Variants in RBFOX1 observed in about 807,000 individuals in gnomAD.
RBFOX1 encodes the protein RNA binding protein fox-1 homolog 1.
In RBFOX1, 8 loss-of-function variants were observed where a neutral mutation model predicts 57.7. The observed-to-expected ratio is 0.14, with a 90% CI of 0.08 to 0.25. The LOEUF (loss-of-function observed/expected upper bound fraction) is 0.25. Among genes scored for constraint, RBFOX1 ranks in the 10% least tolerant of loss-of-function variants. RBFOX1 has a pLI of 1.00. For missense variants in RBFOX1, 611 were observed against 548.5 expected, an observed-to-expected ratio of 1.11 and a Z score of -1.14; for synonymous variants, 326 against 222.4, an observed-to-expected ratio of 1.47 and a Z score of -4.15.
At chr16:7,308,991 C>G (rs576021380) in intron 4 of RBFOX1, among the ~76,000 whole-genome samples, 2 of 152,092 alleles carry the variant, frequency 1.3e-5, no homozygotes. Flanking sequence ...TTAGATAGTG[C>G]TATGGATTGG....
intron 2 of RBFOX1, among the ~76,000 whole-genome samples, chr16:6,599,716 G>A (rs75939132): frequency 0.019 from 2,855 of 152,270 alleles, 100 homozygotes; most frequent in African/African-American, 0.064. Flanking sequence ...CCACTACTCT[G>A]TTTCCCATCC....
At chr16:5,558,370 T>A (rs754028407) in intron 2 of RBFOX1, among the ~76,000 whole-genome samples, 25 of 152,254 alleles carry the variant, frequency 1.6e-4, no homozygotes, top group Non-Finnish European at 2.9e-4. Flanking sequence ...AAAGCGGTCC[T>A]CATGTCCTCA....
chr16:6,630,742 T>C (rs982670060), intron 2 of RBFOX1, among the ~76,000 whole-genome samples: 1 of 152,180 alleles, frequency 6.6e-6, no homozygotes, highest in Non-Finnish European at 1.5e-5. Context: ...CTGGAATTTA[T>C]GATGAAAATA....
intron 3 of RBFOX1, among the ~76,000 whole-genome samples, chr16:5,848,369 C>G (rs1443534459): frequency 2.6e-5 from 4 of 152,148 alleles, no homozygotes; most frequent in African/African-American, 4.8e-5. Context: ...GTCTCTTGAA[C>G]CGGGTGCCTT....
At chr16:7,229,692 AAG>A (rs2093369068) in intron 4 of RBFOX1, among the ~76,000 whole-genome samples, 1 of 79,282 alleles carries the variant, frequency 1.3e-5, no homozygotes, top group Non-Finnish European at 2.9e-5. Context: ...GAGACGAAGG[AAG>A]AGGGGAAGGA....
At chr16:6,620,223 G>A (rs1460518733) in intron 2 of RBFOX1, among the ~76,000 whole-genome samples, 2 of 152,146 alleles carry the variant, frequency 1.3e-5, no homozygotes, top group Non-Finnish European at 2.9e-5. Flanking sequence ...CATGGAAATT[G>A]AATAACCTGT....
intron 2 of RBFOX1, among the ~76,000 whole-genome samples, chr16:6,331,958 T>C (rs2083089007): frequency 6.6e-6 from 1 of 152,108 alleles, no homozygotes; most frequent in Non-Finnish European, 1.5e-5. Flanking sequence ...AGGCTGACAT[T>C]CTTAATAGTT....
intron 2 of RBFOX1, among the ~76,000 whole-genome samples, chr16:5,480,553 G>T (rs1050528613): frequency 1.3e-5 from 2 of 152,144 alleles, no homozygotes; most frequent in African/African-American, 2.4e-5. Context: ...ACAATGCCCT[G>T]TTCGCCCAGT....
chr16:5,793,653 C>G (rs970365756), intron 3 of RBFOX1, among the ~76,000 whole-genome samples: 8 of 152,206 alleles, frequency 5.3e-5, no homozygotes, highest in Non-Finnish European at 1.2e-4. Flanking sequence ...GAACCCGGTA[C>G]TTGCAGGGGA....
intron 2 of RBFOX1, among the ~76,000 whole-genome samples, chr16:6,343,028 A>G (rs993248410): frequency 1.2e-4 from 19 of 152,280 alleles, no homozygotes; most frequent in African/African-American, 4.3e-4. Flanking sequence ...TCTGATAGTC[A>G]TTTCTGATAA....
chr16:5,518,418 C>T (rs1207306114), intron 2 of RBFOX1, among the ~76,000 whole-genome samples: 1 of 152,132 alleles, frequency 6.6e-6, no homozygotes, highest in Non-Finnish European at 1.5e-5. Context: ...TGCTTTTTCC[C>T]ATCAGCTCAA....
intron 3 of RBFOX1, among the ~76,000 whole-genome samples, chr16:5,732,763 C>G (rs1459216117): frequency 6.6e-6 from 1 of 152,124 alleles, no homozygotes; most frequent in Non-Finnish European, 1.5e-5. Flanking sequence ...CTCCCAGGTC[C>G]TAGGGGAGGA....
At chr16:5,255,662 G>T (rs905734963) in intron 1 of RBFOX1, among the ~76,000 whole-genome samples, 4 of 142,744 alleles carry the variant, frequency 2.8e-5, no homozygotes, top group Admixed American at 2.8e-4. Context: ...CCATTCATTC[G>T]TCCACCTGCC....
intron 4 of RBFOX1, among the ~76,000 whole-genome samples, chr16:7,307,175 T>C (rs1428525405): frequency 6.6e-6 from 1 of 152,234 alleles, no homozygotes; most frequent in East Asian, 1.9e-4. Flanking sequence ...TCATTTTGTT[T>C]TATAAATCCA....
intron 1 of RBFOX1, among the ~76,000 whole-genome samples, chr16:5,443,131 TGAGA>T (rs1381461367): frequency 6.6e-6 from 1 of 152,128 alleles, no homozygotes; most frequent in African/African-American, 2.4e-5. Flanking sequence ...CCTCCAGAAC[TGAGA>T]GAAAGAATAA....
Position 5,928,105 on chromosome 16 carries a change from A to G in RBFOX1, c.351+60770A>G, listed in dbSNP as rs529327986. Among the ~76,000 whole-genome samples the G allele has an allele frequency of 2.0e-5, 3 of 152,086 alleles. No homozygotes were observed. The East Asian group carries it at 5.8e-4, about 29-fold the overall frequency. On this transcript the variant is annotated intron_variant, in intron 4 of 19. Coordinates refer to the RBFOX1 transcript ENST00000641259. ...TTTTATTTTTATTTATTTATTTTTTATTTTTTGAGACAGGGTATTGCTCTG... is the reference window on the plus strand; with the variant it reads ...TTTTATTTTTATTTATTTATTTTTTGTTTTTTGAGACAGGGTATTGCTCTG...
At chr16:6,060,963 C>G (rs2095677991) in intron 1 of RBFOX1, among the ~76,000 whole-genome samples, 1 of 152,226 alleles carries the variant, frequency 6.6e-6, no homozygotes, top group African/African-American at 2.4e-5. Flanking sequence ...CCCAGCCCTG[C>G]CTACTGCAGT....
At chr16:7,119,204 A>G (rs1390427917) in intron 4 of RBFOX1, among the ~76,000 whole-genome samples, 1 of 152,152 alleles carries the variant, frequency 6.6e-6, no homozygotes, top group Non-Finnish European at 1.5e-5. Flanking sequence ...CCCACAAGCA[A>G]TGCTCTATTA....
At chr16:5,467,819 A>G (rs561652968) in intron 2 of RBFOX1, among the ~76,000 whole-genome samples, 119 of 152,318 alleles carry the variant, frequency 7.8e-4, no homozygotes, top group Non-Finnish European at 1.4e-3. Flanking sequence ...TTCCTCCACG[A>G]TGTTGTATCC....
Sources: allele counts gnomAD v4.1 joint callset (sites outside exome capture counted in the v4.1 genomes callset), GRCh38; gene constraint gnomAD v4.1.1; transcripts MANE v1.5; gene names NCBI Gene and HGNC (gene_info 2026-07-23, HGNC 2026-07-21).